The following GRAP2 variants were observed in gnomAD, a reference collection of about 807,000 sequenced individuals.
GRAP2 encodes the protein GRB2-related adapter protein 2.
In GRAP2, 31 loss-of-function variants were observed where a neutral mutation model predicts 43.5. The observed-to-expected ratio is 0.71, with a 90% CI of 0.54 to 0.96. The LOEUF (loss-of-function observed/expected upper bound fraction) is 0.96. Among genes scored for constraint, GRAP2 ranks in the 40% least tolerant of loss-of-function variants. The probability of loss-of-function intolerance (pLI) is 0.00; values close to 1 mark genes in which losing one functional copy is unlikely to be tolerated. For missense variants in GRAP2, 371 were observed against 424.4 expected (o/e 0.87, Z 1.11); for synonymous variants, 156 against 164.8 (o/e 0.95, Z 0.41).
intron 2 of GRAP2, 64 bp downstream of exon 2, chr22:39,947,248 C>T (rs1438640138): frequency 2.4e-6 from 2 of 817,528 alleles, no homozygotes; most frequent in African/African-American, 1.7e-5. Context: ...TCTGACAGTC[C>T]CTGCCTTTGT....
At chr22:39,953,519 C>G (rs1325640895) in intron 2 of GRAP2, among the ~76,000 whole-genome samples, 2 of 152,170 alleles carry the variant, frequency 1.3e-5, no homozygotes, top group African/African-American at 4.8e-5. Context: ...TGACTGGAGG[C>G]CTGCGCTCAT....
chr22:39,922,770 C>T (rs1226378178), intron 1 of GRAP2, among the ~76,000 whole-genome samples: 2 of 152,136 alleles, frequency 1.3e-5, no homozygotes, highest in Non-Finnish European at 2.9e-5. Context: ...AGGCCAGGTG[C>T]GGTGGCTCGC....
rs1161366175 is a variant in GRAP2 at position 39,955,987 on chromosome 22, C to G, written c.170+77C>G. On this transcript the variant is annotated intron_variant, in intron 3 of 7. Coordinates refer to ENST00000344138, the MANE Select transcript of GRAP2 (RefSeq NM_004810.4). Reference sequence around the variant, plus strand: ...CATTTCCAGCAGTCACTACAGTTATCCATGGGAACCCAAGACATTGTCAAA... The same window carrying G: ...CATTTCCAGCAGTCACTACAGTTATGCATGGGAACCCAAGACATTGTCAAA... 9 of 772,366 alleles carry G rather than the reference C, an allele frequency of 1.2e-5. No homozygotes were observed. In the South Asian group the frequency reaches 1.3e-4, roughly 11 times the overall value. The allele number at this position is 772,366 out of a possible 1,614,324, so 47.8% of individuals were successfully genotyped here.
upstream of GRAP2, among the ~76,000 whole-genome samples, chr22:39,898,049 A>G (rs1001846468): frequency 1.3e-5 from 2 of 151,566 alleles, no homozygotes; most frequent in African/African-American, 2.4e-5. Flanking sequence ...CTCCATCCCA[A>G]CTCCTCTCCA....
At chr22:39,916,288 A>C (rs1433061242) in intron 1 of GRAP2, among the ~76,000 whole-genome samples, 1 of 152,234 alleles carries the variant, frequency 6.6e-6, no homozygotes. Context: ...GGAACAGCTC[A>C]ATTAGGATGG....
chr22:39,903,853 C>T (rs915533206), intron 1 of GRAP2, among the ~76,000 whole-genome samples: 2 of 152,084 alleles, frequency 1.3e-5, no homozygotes, highest in Admixed American at 1.3e-4. Context: ...AAACATTTAT[C>T]GATCAATTAC....
intron 1 of GRAP2, among the ~76,000 whole-genome samples, chr22:39,923,871 A>G (rs763583624): frequency 9.2e-5 from 14 of 152,226 alleles, no homozygotes; most frequent in African/African-American, 2.9e-4. Context: ...ACAGTTGTAC[A>G]TATTGGCAGG....
chr22:39,901,554 C>G (rs763295402), intron 1 of GRAP2, among the ~76,000 whole-genome samples: 4 of 152,100 alleles, frequency 2.6e-5, no homozygotes, highest in Non-Finnish European at 5.9e-5. Flanking sequence ...TGTTCCTTAC[C>G]CAGTCCATAA....
At chr22:39,934,517 C>T (rs1043491509) in intron 1 of GRAP2, among the ~76,000 whole-genome samples, 8 of 152,162 alleles carry the variant, frequency 5.3e-5, no homozygotes, top group African/African-American at 1.9e-4. Context: ...AGTACAAATC[C>T]ATGCCCGAAT....
intron 1 of GRAP2, among the ~76,000 whole-genome samples, chr22:39,938,669 C>T (rs2066832384): frequency 6.6e-6 from 1 of 152,262 alleles, no homozygotes. Context: ...CACACCTCTC[C>T]TGCCCACGCC....
At chr22:39,963,317 C>G (rs1266104425) in intron 4 of GRAP2, among the ~76,000 whole-genome samples, 1 of 152,146 alleles carries the variant, frequency 6.6e-6, no homozygotes. Flanking sequence ...GTCAGGCCAT[C>G]CTCTCCTTGT....
chr22:39,914,886 T>TA (rs886745823), intron 1 of GRAP2, among the ~76,000 whole-genome samples: 4 of 151,206 alleles, frequency 2.6e-5, no homozygotes, highest in Admixed American at 6.6e-5. Flanking sequence ...CACAACCTTA[T>TA]AAAAAAAAAT....
At chr22:39,938,123 G>A (rs1003685319) in intron 1 of GRAP2, among the ~76,000 whole-genome samples, 2 of 152,182 alleles carry the variant, frequency 1.3e-5, no homozygotes, top group Non-Finnish European at 2.9e-5. Flanking sequence ...GATAGGCCCT[G>A]CATGGGGACA....
chr22:39,933,254 C>T (rs1413564723), intron 1 of GRAP2, among the ~76,000 whole-genome samples: 2 of 152,206 alleles, frequency 1.3e-5, no homozygotes, highest in Non-Finnish European at 2.9e-5. Context: ...CAGCCTGAGG[C>T]CTTTATGCAG....
intron 1 of GRAP2, among the ~76,000 whole-genome samples, chr22:39,940,773 T>C (rs1199670268): frequency 6.6e-6 from 1 of 152,208 alleles, no homozygotes; most frequent in Non-Finnish European, 1.5e-5. Context: ...TAGGAGAAGA[T>C]GACCACGAAT....
intron 1 of GRAP2, among the ~76,000 whole-genome samples, chr22:39,928,161 T>C (rs1159607305): frequency 6.6e-6 from 1 of 152,226 alleles, no homozygotes; most frequent in Non-Finnish European, 1.5e-5. Flanking sequence ...CAAATCTTAA[T>C]GGATGAAACA....
In GRAP2 at chr22:39,970,118, CTTTTT is replaced by C. The variant is rs1210755837; in HGVS notation, c.813+589_813+593del. On this transcript the variant is annotated intron_variant, in intron 7 of 7. Coordinates refer to ENST00000344138, the MANE Select transcript of GRAP2 (RefSeq NM_004810.4). ...TTTACCATTGCCTTTATCATTGCAT[CTTTTT>C]TTTGTTTTTTGAGACAGGGTCTCAC... Among the ~76,000 whole-genome samples, 6 of 152,000 alleles carry C rather than the reference CTTTTT, an allele frequency of 3.9e-5. No individual in the cohort carries two copies. The East Asian group carries it at 1.2e-3, about 29-fold the overall frequency.
At chr22:39,898,633 C>T (rs913796229), upstream of GRAP2, among the ~76,000 whole-genome samples, 2 of 151,950 alleles carry the variant, frequency 1.3e-5, no homozygotes, top group Admixed American at 6.6e-5. Flanking sequence ...ACCAACATGG[C>T]GAAACCTCAG....
chr22:39,933,850 AAAAAG>A (rs1284981417), intron 1 of GRAP2, among the ~76,000 whole-genome samples: 130 of 152,132 alleles, frequency 8.5e-4, no homozygotes, highest in African/African-American at 2.7e-3. Context: ...CGAAAAAAAA[AAAAAG>A]AAAAGAAAGA....
Sources: allele counts gnomAD v4.1 joint callset (sites outside exome capture counted in the v4.1 genomes callset), GRCh38; gene constraint gnomAD v4.1.1; transcripts MANE v1.5; gene names NCBI Gene and HGNC (gene_info 2026-07-23, HGNC 2026-07-21).